The following CAMTA1 variants were observed in gnomAD, a reference collection of about 807,000 sequenced individuals.
CAMTA1 encodes the protein calmodulin-binding transcription activator 1.
Under a neutral mutation model 170.9 loss-of-function variants are expected in CAMTA1, and 27 were observed. The observed-to-expected ratio is 0.16, with a 90% CI of 0.12 to 0.22. The LOEUF is 0.22. Among genes scored for constraint, CAMTA1 ranks in the 10% least tolerant of loss-of-function variants. CAMTA1 has a pLI of 1.00. For synonymous variants in CAMTA1, 833 were observed against 891.5 expected (o/e 0.93, Z 1.17); for missense variants, 1,619 against 2,217.2 (o/e 0.73, Z 5.42).
intron 3 of CAMTA1, among the ~76,000 whole-genome samples, chr1:7,037,204 C>T (rs540021495): frequency 2.6e-5 from 4 of 152,290 alleles, no homozygotes; most frequent in South Asian, 2.1e-4. Flanking sequence ...TAAAGAAAAA[C>T]GGAGGTAGAA....
At chr1:7,371,594 CAG>C (rs1380906297) in intron 5 of CAMTA1, among the ~76,000 whole-genome samples, 1 of 152,214 alleles carries the variant, frequency 6.6e-6, no homozygotes, top group Non-Finnish European at 1.5e-5. Context: ...GTCTGTATTT[CAG>C]AGTTTCCTGG....
chr1:6,878,246 G>A (rs1670486352), intron 3 of CAMTA1, among the ~76,000 whole-genome samples: 3 of 152,204 alleles, frequency 2.0e-5, no homozygotes, highest in Admixed American at 2.0e-4. Flanking sequence ...CACTCTATGT[G>A]ATGCCAGATT....
chr1:7,675,541 G>A (rs1576770624), intron 10 of CAMTA1, among the ~76,000 whole-genome samples: 6 of 152,280 alleles, frequency 3.9e-5, no homozygotes, highest in Admixed American at 3.3e-4. Context: ...AAGGAGAAGG[G>A]CTCCCTTGGG....
chr1:7,204,770 T>A (rs1657356216), intron 4 of CAMTA1, among the ~76,000 whole-genome samples: 1 of 150,592 alleles, frequency 6.6e-6, no homozygotes, highest in Admixed American at 6.6e-5. Flanking sequence ...CAAATACTAT[T>A]ATTATTATTA....
intron 5 of CAMTA1, among the ~76,000 whole-genome samples, chr1:7,366,036 G>A (rs1225953143): frequency 6.6e-6 from 1 of 152,194 alleles, no homozygotes; most frequent in African/African-American, 2.4e-5. Flanking sequence ...CTGGTGACTT[G>A]CTCCTTTCTC....
intron 6 of CAMTA1, among the ~76,000 whole-genome samples, chr1:7,497,929 C>T (rs374279605): frequency 1.5e-3 from 222 of 152,274 alleles, no homozygotes; most frequent in African/African-American, 4.8e-3. Flanking sequence ...GGAGAGATGA[C>T]GGGGCTGCTC....
At position 7,335,124 on chromosome 1, in the gene CAMTA1, T is replaced by TGTGTGTGTGTGTGTGTGTG. The variant is rs2083271528; in HGVS notation, c.438+85498_438+85499insGTGTGTGTGTGTGTGTGTG. Among the ~76,000 whole-genome samples, 4 of 19,198 alleles carry TGTGTGTGTGTGTGTGTGTG rather than the reference T, an allele frequency of 2.1e-4. 1 individual carries two copies. Among genetic ancestry groups the TGTGTGTGTGTGTGTGTGTG allele is most frequent in the African/African-American group, 7.9e-4 (4 of 5,086 alleles). 12.6% of individuals were successfully genotyped at this position (19,198 alleles called of 152,430 possible). A position where few individuals can be genotyped will look rare whatever the true frequency, so the allele number is the denominator to read the frequency against. ...GAGGGCTTGTTTGGCAGCACAGCTT[T>TGTGTGTGTGTGTGTGTGTG]TGTGTGTGTGTGTGTGGGGGGGGGG... On this transcript the variant is annotated intron_variant, in intron 5 of 22. Transcript: ENST00000303635.
chr1:7,075,807 T>C (rs1029512251), intron 3 of CAMTA1, among the ~76,000 whole-genome samples: 1 of 151,992 alleles, frequency 6.6e-6, no homozygotes, highest in Non-Finnish European at 1.5e-5. Context: ...GGATTACAGG[T>C]GTGTGCCACC....
intron 7 of CAMTA1, among the ~76,000 whole-genome samples, chr1:7,655,051 CCT>C (rs2095877412): frequency 6.8e-6 from 1 of 146,522 alleles, no homozygotes; most frequent in African/African-American, 2.5e-5. Flanking sequence ...TATACACACA[CCT>C]ATACAAACAC....
intron 4 of CAMTA1, among the ~76,000 whole-genome samples, chr1:7,244,917 A>T (rs996097286): frequency 2.6e-5 from 4 of 151,964 alleles, no homozygotes; most frequent in Middle Eastern, 3.4e-3. Context: ...TAAATACATA[A>T]ATAAATTAAT....
chr1:7,079,727 C>T (rs1639770484), intron 3 of CAMTA1, among the ~76,000 whole-genome samples: 1 of 152,096 alleles, frequency 6.6e-6, no homozygotes, highest in Non-Finnish European at 1.5e-5. Flanking sequence ...CCCACCTCGG[C>T]CTCCCAAAGT....
intron 3 of CAMTA1, among the ~76,000 whole-genome samples, chr1:7,084,590 G>A (rs939097602): frequency 1.3e-5 from 2 of 152,246 alleles, no homozygotes; most frequent in Non-Finnish European, 2.9e-5. Flanking sequence ...TGGACCGAGG[G>A]GGGCAGGGGG....
At chr1:6,956,713 C>T (rs371322925) in intron 3 of CAMTA1, among the ~76,000 whole-genome samples, 3 of 152,142 alleles carry the variant, frequency 2.0e-5, no homozygotes, top group African/African-American at 4.8e-5. Context: ...AAACTTTGTT[C>T]TTTGTCATAA....
intron 6 of CAMTA1, among the ~76,000 whole-genome samples, chr1:7,603,380 A>C (rs1325508844): frequency 3.9e-5 from 6 of 152,194 alleles, no homozygotes; most frequent in Non-Finnish European, 7.3e-5. Context: ...TATTGGGTGC[A>C]TATTATTTAG....
intron 3 of CAMTA1, among the ~76,000 whole-genome samples, chr1:7,037,205 G>A (rs1029938584): frequency 2.0e-5 from 3 of 152,214 alleles, no homozygotes; most frequent in African/African-American, 4.8e-5. Context: ...AAAGAAAAAC[G>A]GAGGTAGAAT....
intron 3 of CAMTA1, among the ~76,000 whole-genome samples, chr1:6,833,100 G>A (rs1651143351): frequency 6.6e-6 from 1 of 152,216 alleles, no homozygotes. Flanking sequence ...GGTGAGGGGA[G>A]ACAGGTGAAG....
chr1:7,186,810 G>C (rs2148918811), intron 4 of CAMTA1, among the ~76,000 whole-genome samples: 1 of 152,316 alleles, frequency 6.6e-6, no homozygotes, highest in African/African-American at 2.4e-5. Context: ...TAGTTTAGGG[G>C]AGAGAAATAT....
intron 3 of CAMTA1, among the ~76,000 whole-genome samples, chr1:7,055,978 T>A (rs1235125341): frequency 6.6e-6 from 1 of 152,154 alleles, no homozygotes; most frequent in Non-Finnish European, 1.5e-5. Context: ...GTCCTCTGAG[T>A]TACAGCGAGT....
At chr1:6,988,604 C>A (rs987543811) in intron 3 of CAMTA1, among the ~76,000 whole-genome samples, 6 of 151,972 alleles carry the variant, frequency 3.9e-5, no homozygotes, top group Non-Finnish European at 8.8e-5. Flanking sequence ...TCCCCCCCAC[C>A]CCCTACCCCT....
Sources: gnomAD v4.1 joint callset for allele counts (sites outside exome capture counted in the v4.1 genomes callset) on GRCh38, gnomAD v4.1.1 for gene constraint, MANE v1.5 for transcripts, NCBI Gene and HGNC (gene_info 2026-07-23, HGNC 2026-07-21) for gene names.